NSD3: variants seen among roughly 807,000 people sequenced by gnomAD.
The protein encoded by NSD3 is nuclear receptor binding SET domain protein 3.
In NSD3, 24 loss-of-function variants were observed where a neutral mutation model predicts 160.8. The observed-to-expected ratio is 0.15, with a 90% CI of 0.11 to 0.21. The LOEUF is 0.21. NSD3 is among the 10% of genes least tolerant of loss of function. The pLI, the probability that NSD3 is intolerant of heterozygous loss-of-function variation, is 1.00. For missense variants in NSD3, 1,157 were observed against 1,735.9 expected (o/e 0.67, Z 5.93); for synonymous variants, 520 against 600.0 (o/e 0.87, Z 1.95).
At chr8:38,356,919 G>C (rs150243389) in intron 1 of NSD3, among the ~76,000 whole-genome samples, 5 of 151,458 alleles carry the variant, frequency 3.3e-5, no homozygotes, top group Non-Finnish European at 4.4e-5. Context: ...AGGAGTTTGA[G>C]ACCAGCCTGG....
At chr8:38,361,477 C>G (rs1482111074) in intron 1 of NSD3, among the ~76,000 whole-genome samples, 1 of 149,492 alleles carries the variant, frequency 6.7e-6, no homozygotes, top group Admixed American at 6.7e-5. Context: ...AGAAAGGGGC[C>G]GGGCGCGGTG....
intron 4 of NSD3, among the ~76,000 whole-genome samples, 164 bp from the exon 5 acceptor site, chr8:38,331,749 T>C (rs1460744380): frequency 6.6e-6 from 1 of 152,212 alleles, no homozygotes; most frequent in Non-Finnish European, 1.5e-5. Flanking sequence ...ATAGAACTAA[T>C]AGCTACTGTA....
intron 19 of NSD3, among the ~76,000 whole-genome samples, chr8:38,287,081 G>T (rs1237874458): frequency 6.6e-6 from 1 of 152,286 alleles, no homozygotes; most frequent in South Asian, 2.1e-4. Flanking sequence ...AATAATACCT[G>T]CCACATAGGA....
At position 38,304,750 on chromosome 8, in the gene NSD3, C is replaced by A; in HGVS notation, c.2448G>T (p.Met816Ile). 2 of 1,605,692 alleles carry A rather than the reference C, an allele frequency of 1.2e-6. No homozygotes were observed. Among genetic ancestry groups the A allele is most frequent in the South Asian group, 1.1e-5 (1 of 89,308 alleles). ...KDIHKASKGR[M>I]MRCLRCPVAY... The stretch of plus-strand genomic sequence containing the variant: ...CAACTGGACATCTTAAACATCTCAT[C>A]ATGCGGCCTGTTTAAAGACAAGTCA... Residue 816 changes from methionine to isoleucine, a missense_variant, in exon 14 of 24, where the codon ATG (methionine) becomes ATT (isoleucine). Physicochemically the swap from Met to Ile is conservative, Grantham distance 10. Coordinates refer to ENST00000317025, the MANE Select transcript of NSD3 (RefSeq NM_023034.2).
At position 38,318,714 on chromosome 8, in the gene NSD3, G is replaced by T. The variant is rs1809727394; in HGVS notation, c.1855+181C>A. On this transcript the variant is annotated intron_variant, in intron 9 of 23. Transcript: ENST00000317025. This position sits in a 1 kb window ranked among gnomAD's most constrained non-coding sequence, Gnocchi z 5.3. ...AACAAGTAAGACTTTTCACGTGGAGGTACAGAATAAGATCAACTCTAAAAG... is the reference window on the plus strand; with the variant it reads ...AACAAGTAAGACTTTTCACGTGGAGTTACAGAATAAGATCAACTCTAAAAG... 6.6e-6 allele frequency among the ~76,000 whole-genome samples: 1 copy of T among 152,090 alleles called. No individual in the cohort carries two copies. The highest frequency in any genetic ancestry group is 2.1e-4 in the South Asian group (1 of 4,826).
At chr8:38,350,903 CAGAAT>C (rs1252440378) in intron 1 of NSD3, among the ~76,000 whole-genome samples, 3 of 151,882 alleles carry the variant, frequency 2.0e-5, no homozygotes, top group Non-Finnish European at 4.4e-5. Context: ...GTGCACATCA[CAGAAT>C]AGAAGATTAA....
intron 8 of NSD3, chr8:38,320,549 C>T (rs1809772211): frequency 6.6e-6 from 1 of 151,934 alleles, no homozygotes; most frequent in African/African-American, 2.4e-5. Context: ...ATCTGACAAC[C>T]TGATATCAGG....
At chr8:38,351,878 G>C (rs1272841762) in intron 1 of NSD3, among the ~76,000 whole-genome samples, 1 of 151,830 alleles carries the variant, frequency 6.6e-6, no homozygotes, top group East Asian at 1.9e-4. Flanking sequence ...TTGTGGGGTG[G>C]GGGGAGTGGG....
intron 1 of NSD3, chr8:38,364,008 A>G (rs974830424): frequency 2.6e-5 from 4 of 152,044 alleles, no homozygotes; most frequent in African/African-American, 7.3e-5. Flanking sequence ...GCGGTGGCTC[A>G]TGCCTGTAAT....
chr8:38,373,830 G>C (rs1374483328), intron 1 of NSD3, among the ~76,000 whole-genome samples: 1 of 150,606 alleles, frequency 6.6e-6, no homozygotes, highest in Non-Finnish European at 1.5e-5. Context: ...CAGCACAGTG[G>C]CTCATGCCTA....
chr8:38,371,922 A>T (rs1266949983), intron 1 of NSD3, among the ~76,000 whole-genome samples: 4 of 152,206 alleles, frequency 2.6e-5, no homozygotes, highest in African/African-American at 9.7e-5. Flanking sequence ...ACCTAAGAAA[A>T]TATTCTTGAA....
chr8:38,317,829 A>C lies in NSD3; in HGVS notation c.1855+1066T>G. The C allele has an allele frequency of 6.7e-7, 1 of 1,491,104 alleles. No individual in the cohort carries two copies. Among genetic ancestry groups the C allele is most frequent in the Non-Finnish European group, 8.9e-7 (1 of 1,121,716 alleles). The allele number at this position is 1,491,104 out of a possible 1,614,324, so 92.4% of individuals were successfully genotyped here. A position where few individuals can be genotyped will look rare whatever the true frequency, so the allele number is the denominator to read the frequency against. On this transcript the variant is annotated intron_variant, in intron 9 of 23. Coordinates refer to ENST00000317025, the MANE Select transcript of NSD3 (RefSeq NM_023034.2). The surrounding 1 kb of genome is among the most constrained non-coding windows in gnomAD (Gnocchi z 5.3). ...CTTGAAGAAGAAACCAGGCAGGAAAATGCCAATAATGATGATTGGCGAAAT... is the reference window on the plus strand; with the variant it reads ...CTTGAAGAAGAAACCAGGCAGGAAACTGCCAATAATGATGATTGGCGAAAT...
At chr8:38,335,114 T>C (rs967998498) in intron 4 of NSD3, among the ~76,000 whole-genome samples, 1 of 151,674 alleles carries the variant, frequency 6.6e-6, no homozygotes, top group East Asian at 1.9e-4. Flanking sequence ...CTCAGTCACC[T>C]GAGTGAGACC....
Position 38,338,532 on chromosome 8 carries a change from T to A in NSD3, c.747+4A>T. On this transcript the variant is annotated splice_donor_region_variant and intron_variant, in intron 3 of 23. Transcript: ENST00000317025. Reference sequence around the variant, plus strand: ...GTTAGACAGTATTCAGTAAAACAACTTACTGGGGCTTCCTCTTTTAGTACT... The same window carrying A: ...GTTAGACAGTATTCAGTAAAACAACATACTGGGGCTTCCTCTTTTAGTACT... The A allele has an allele frequency of 6.2e-7, 1 of 1,612,928 alleles. No individual in the cohort carries two copies. The highest frequency in any genetic ancestry group is 8.5e-7 in the Non-Finnish European group (1 of 1,178,976).
chr8:38,336,959 T>C (rs1429884301), intron 4 of NSD3, among the ~76,000 whole-genome samples: 3 of 152,056 alleles, frequency 2.0e-5, no homozygotes, highest in Non-Finnish European at 4.4e-5. Flanking sequence ...CTGGGTAACA[T>C]GGTGAAACCT....
At chr8:38,292,564 C>T (rs1052299417) in intron 16 of NSD3, among the ~76,000 whole-genome samples, 19 of 151,452 alleles carry the variant, frequency 1.3e-4, no homozygotes, top group East Asian at 5.8e-4. Flanking sequence ...GGGTGTATCA[C>T]GAGGTCAGGA....
At chr8:38,376,784 C>T (rs1811400030) in intron 1 of NSD3, among the ~76,000 whole-genome samples, 1 of 152,100 alleles carries the variant, frequency 6.6e-6, no homozygotes, top group Non-Finnish European at 1.5e-5. Context: ...CTGTAAAGAA[C>T]CAAGTAACGG....
rs372844830 is a variant in NSD3, at chr8:38,276,315, G to A, written c.4053C>T (p.Asn1351=). The A allele has an allele frequency of 7.4e-6, 12 of 1,614,090 alleles. No individual in the cohort carries two copies. In the African/African-American group the frequency reaches 1.6e-4, roughly 22 times the overall value. Residue 1351 remains asparagine (N), a synonymous_variant, in exon 23 of 24, where the codon AAC becomes AAT. Coordinates refer to ENST00000317025, the MANE Select transcript of NSD3 (RefSeq NM_023034.2). ...GCTTACCATATGGTGGCTGAGTCAG[G>A]TTAAGGCATAGGAGGTGGTATGCTT... ...CPKAYHLLCL[N]LTQPPYGKWE... is the part of the protein sequence containing the mutation.
At chr8:38,362,364 C>G (rs1050986403) in intron 1 of NSD3, among the ~76,000 whole-genome samples, 7 of 141,018 alleles carry the variant, frequency 5.0e-5, no homozygotes, top group African/African-American at 1.8e-4. Context: ...TTTTTAATGG[C>G]ATGGATTTTG....
Sources: gnomAD v4.1 joint callset for allele counts (sites outside exome capture counted in the v4.1 genomes callset) on GRCh38, gnomAD v4.1.1 for gene constraint, Gnocchi (gnomAD v3.1) non-coding constraint, MANE v1.5 for transcripts, NCBI Gene and HGNC (gene_info 2026-07-23, HGNC 2026-07-21) for gene names.